Variants in FPGS observed in about 807,000 individuals in gnomAD.
FPGS encodes folylpolyglutamate synthase, also known as folylpolyglutamate synthase, mitochondrial.
In FPGS, 53 loss-of-function variants were observed where a neutral mutation model predicts 66.5. The ratio of observed to expected loss-of-function variants is 0.80; its 90% confidence interval spans 0.64 to 1.00. The LOEUF (loss-of-function observed/expected upper bound fraction) is 1.00, where lower values mean the gene tolerates loss of function less well. Among genes scored for constraint, FPGS ranks in the 50% least tolerant of loss-of-function variants. The pLI is 0.00. For missense variants in FPGS, 702 were observed against 807.7 expected (o/e 0.87, Z 1.59); for synonymous variants, 348 against 350.9 (o/e 0.99, Z 0.09).
At position 127,813,895 on chromosome 9, in the gene FPGS, G is replaced by A. The variant is rs548917031; in HGVS notation, c.*291G>A. On this transcript the variant is annotated 3_prime_UTR_variant, in exon 15 of 15. Coordinates refer to ENST00000373247, the MANE Select transcript of FPGS (RefSeq NM_004957.6). The stretch of plus-strand genomic sequence containing the variant: ...AACACCCCGCCTGCCTCCTGGCTCA[G>A]GCCCAGCTTATTGTGTGCGCTGCCT... The A allele has an allele frequency of 5.9e-6, 7 of 1,193,650 alleles. No homozygotes were observed. In the East Asian group the frequency reaches 2.6e-4, roughly 45 times the overall value. 73.9% of individuals were successfully genotyped at this position (1,193,650 alleles called of 1,614,324 possible).
At chr9:127,809,921 A>AGGGCGGGGCGGGGTCGTGGGGAC in intron 12 of FPGS, 87 bp downstream of exon 12, 1 of 276,034 alleles carries the variant, frequency 3.6e-6, no homozygotes, top group Non-Finnish European at 6.7e-6. Context: ...GTCGTGGGGA[A>AGGGCGGGGCGGGGTCGTGGGGAC]GGGCGGGGGC....
chr9:127,810,194 C>G (rs936081561), intron 13 of FPGS, 88 bp downstream of exon 13: 4 of 1,109,602 alleles, frequency 3.6e-6, no homozygotes, highest in Non-Finnish European at 5.4e-6. Flanking sequence ...ATCCCCTCCC[C>G]CTTGAGTTGT....
intron 14 of FPGS, among the ~76,000 whole-genome samples, chr9:127,812,728 T>C (rs1479020899): frequency 6.6e-6 from 1 of 152,098 alleles, no homozygotes; most frequent in Non-Finnish European, 1.5e-5. Flanking sequence ...GGTTTCACCA[T>C]GTTGGCCAGG....
downstream of FPGS, chr9:127,814,197 G>A (rs41506546): frequency 4.6e-3 from 4,516 of 978,582 alleles, 170 homozygotes; most frequent in African/African-American, 0.073. Context: ...CTCCCTCCCT[G>A]TGCGCCTCAG....
At chr9:127,804,258 C>A (rs1403086649) in intron 1 of FPGS, 27 bp from the exon 2 acceptor site, 1 of 1,610,616 alleles carries the variant, frequency 6.2e-7, no homozygotes, top group East Asian at 2.2e-5. Flanking sequence ...GAGCCTTAAC[C>A]TACTATCTGG....
intron 1 of FPGS, 179 bp downstream of exon 1, chr9:127,803,241 C>G: frequency 4.8e-6 from 6 of 1,238,542 alleles, no homozygotes; most frequent in Non-Finnish European, 6.1e-6. Flanking sequence ...AAGTTGGGCC[C>G]GGGCCGCCGG....
chr9:127,814,358 C>A (rs777875197), downstream of FPGS: 343 of 182,626 alleles, frequency 1.9e-3, no homozygotes, highest in Non-Finnish European at 2.9e-3. Flanking sequence ...TTTCAAGAAG[C>A]CATGGAGGCC....
chr9:127,810,131 C>T (rs372179095), intron 13 of FPGS, 25 bp downstream of exon 13: 89 of 1,605,768 alleles, frequency 5.5e-5, no homozygotes, highest in Admixed American at 8.4e-5. Context: ...TGGGGGTGGG[C>T]GGCAGGCAGT....
At chr9:127,809,893 G>T in intron 12 of FPGS, 59 bp downstream of exon 12, 2 of 1,069,190 alleles carry the variant, frequency 1.9e-6, no homozygotes, top group Non-Finnish European at 2.7e-6. Context: ...GCGGGATCTT[G>T]GGGAAGGGCG....
At chr9:127,809,855 T>A in intron 12 of FPGS, 21 bp downstream of exon 12, 1 of 686,192 alleles carries the variant, frequency 1.5e-6, no homozygotes, top group South Asian at 1.7e-5. Flanking sequence ...GGGCTGGGGG[T>A]GGGGCCGGGG....
chr9:127,808,482 G>A, intron 9 of FPGS, 76 bp from the exon 10 acceptor site: 3 of 1,581,374 alleles, frequency 1.9e-6, no homozygotes, highest in Admixed American at 1.7e-5. Context: ...CTTGGTGGCT[G>A]GGGGAGGGGA....
intron 11 of FPGS, 92 bp from the exon 12 acceptor site, chr9:127,809,592 C>A: frequency 7.6e-7 from 1 of 1,319,374 alleles, no homozygotes; most frequent in Non-Finnish European, 1.0e-6. Flanking sequence ...CGGGCGCAGC[C>A]TGCAGGGGAG....
In FPGS at chr9:127,802,883, T is replaced by C; in HGVS notation, c.-42T>C. ...GATTGGCTGGGGGCGGGGCGGGGCG[T>C]CTCCCGCCCGGGCCTAGAGCGCTGC... On this transcript the variant is annotated 5_prime_UTR_variant, in exon 1 of 15. Transcript: ENST00000373247. 1.6e-6 allele frequency: 2 copies of C among 1,273,474 alleles called. No individual in the cohort carries two copies. Among genetic ancestry groups the C allele is most frequent in the East Asian group, 6.6e-5 (2 of 30,496 alleles). The allele number at this position is 1,273,474 out of a possible 1,614,324, so 78.9% of individuals were successfully genotyped here. A position where few individuals can be genotyped will look rare whatever the true frequency, so the allele number is the denominator to read the frequency against.
intron 4 of FPGS, among the ~76,000 whole-genome samples, chr9:127,805,928 C>T (rs189188760): frequency 2.4e-4 from 37 of 152,334 alleles, no homozygotes; most frequent in Non-Finnish European, 5.1e-4. Context: ...CCCATCACCA[C>T]GAACTTCTGA....
chr9:127,804,080 G>T (rs1489329873), intron 1 of FPGS, among the ~76,000 whole-genome samples: 2 of 152,222 alleles, frequency 1.3e-5, no homozygotes, highest in Non-Finnish European at 2.9e-5. Flanking sequence ...GGGCTGAACT[G>T]CCCCAGACTC....
At position 127,802,954 on chromosome 9, in the gene FPGS, C is replaced by G; in HGVS notation, c.30C>G (p.Ala10=). 2 of 1,412,386 alleles carry G rather than the reference C, an allele frequency of 1.4e-6. No individual in the cohort carries two copies. Among genetic ancestry groups the G allele is most frequent in the East Asian group, 3.1e-5 (1 of 32,616 alleles). The allele number at this position is 1,412,386 out of a possible 1,614,324, so 87.5% of individuals were successfully genotyped here. A position where few individuals can be genotyped will look rare whatever the true frequency, so the allele number is the denominator to read the frequency against. The change falls in exon 1 of 15, where the codon GCC becomes GCG. Residue 10 remains alanine, a synonymous_variant. Transcript: ENST00000373247. ...CGCGGGCGCGGAGCCACCTGCGCGC[C>G]GCTCTATTCCTGGCAGCGGCGTCTG... MSRARSHLR[A]ALFLAAASAR...
At position 127,808,540 on chromosome 9, in the gene FPGS, C is replaced by T; in HGVS notation, c.823-18C>T. On this transcript the variant is annotated intron_variant, in intron 9 of 14. Transcript: ENST00000373247. ...CAGGGAGGGCCTCTGCTGACCCGCT[C>T]CTGCCTGTCTCCCCTAGTGTCCTCT... 1 of 1,612,060 alleles carries T rather than the reference C, an allele frequency of 6.2e-7. No homozygotes were observed. Among genetic ancestry groups the T allele is most frequent in the Non-Finnish European group, 8.5e-7 (1 of 1,179,638 alleles).
intron 14 of FPGS, among the ~76,000 whole-genome samples, chr9:127,811,487 A>C (rs983765367): frequency 3.9e-5 from 6 of 151,982 alleles, no homozygotes; most frequent in African/African-American, 1.2e-4. Context: ...TCTCAAAAAA[A>C]AAAAAAATTA....
At chr9:127,809,956 G>A in intron 12 of FPGS, 75 bp from the exon 13 acceptor site, 3 of 1,425,856 alleles carry the variant, frequency 2.1e-6, no homozygotes, top group South Asian at 1.2e-5. Flanking sequence ...GGGCGGGGTC[G>A]TGGGCGGGGA....
Sources: allele counts gnomAD v4.1 joint callset (sites outside exome capture counted in the v4.1 genomes callset), GRCh38; gene constraint gnomAD v4.1.1; transcripts MANE v1.5; gene names NCBI Gene and HGNC (gene_info 2026-07-23, HGNC 2026-07-21).